ELMO1: variants seen among roughly 807,000 people sequenced by gnomAD.
The protein encoded by ELMO1 is engulfment and cell motility 1, also known as engulfment and cell motility protein 1.
In ELMO1, 26 loss-of-function variants were observed where a neutral mutation model predicts 98.9. The observed-to-expected ratio is 0.26, with a 90% CI of 0.19 to 0.36. The LOEUF is 0.36. ELMO1 is among the 10% of genes least tolerant of loss of function. ELMO1 has a pLI of 1.00. For synonymous variants in ELMO1, 346 were observed against 346.0 expected (o/e 1.00, Z 0.00); for missense variants, 627 against 935.2 (o/e 0.67, Z 4.30).
rs561118919 is a variant in ELMO1 at position 36,955,416 on chromosome 7, AC to A, written c.1437+57882del. ...AAGTAAAGGTATTTGGATAAACCAC[AC>A]ACTGAACAGGTGTAAAACCTTCCTT... On this transcript the variant is annotated intron_variant, in intron 16 of 21. Coordinates refer to ENST00000310758, the MANE Select transcript of ELMO1 (RefSeq NM_014800.11). Among the ~76,000 whole-genome samples the A allele has an allele frequency of 4.2e-3, 641 of 152,334 alleles. 11 individuals carry two copies. Among genetic ancestry groups the A allele is most frequent in the African/African-American group, 0.015 (611 of 41,574 alleles).
intron 19 of ELMO1, among the ~76,000 whole-genome samples, chr7:36,872,543 GA>G (rs1803614533): frequency 1.3e-5 from 2 of 152,174 alleles, no homozygotes; most frequent in South Asian, 4.1e-4. Context: ...CTCTTTGCCT[GA>G]CCCCCTTGGG....
At chr7:36,916,211 C>T (rs956633703) in intron 16 of ELMO1, among the ~76,000 whole-genome samples, 4 of 152,276 alleles carry the variant, frequency 2.6e-5, no homozygotes, top group Non-Finnish European at 4.4e-5. Flanking sequence ...TTAGGTAATT[C>T]TTTTGGTGTT....
chr7:37,137,251 C>T (rs1185278367), intron 13 of ELMO1, among the ~76,000 whole-genome samples: 1 of 152,186 alleles, frequency 6.6e-6, no homozygotes, highest in East Asian at 1.9e-4. Flanking sequence ...GCATCTAACA[C>T]TGGATCTCCC....
chr7:37,042,994 G>A (rs1175904007), intron 15 of ELMO1, among the ~76,000 whole-genome samples: 1 of 152,186 alleles, frequency 6.6e-6, no homozygotes, highest in Non-Finnish European at 1.5e-5. Flanking sequence ...CCCCATTTGA[G>A]CTGTATATGT....
In ELMO1 at chr7:37,057,614, C is replaced by T. The variant is rs183893795; in HGVS notation, c.1300+39005G>A. ...AGCTTTATCCACTTCAGTAACACCA[C>T]CTTAGCCCAGCAAATTCAGAGCATC... is the stretch of plus-strand genomic sequence containing the variant. On this transcript the variant is annotated intron_variant, in intron 15 of 21. Coordinates refer to ENST00000310758, the MANE Select transcript of ELMO1 (RefSeq NM_014800.11). 1.8e-3 allele frequency among the ~76,000 whole-genome samples: 272 copies of T among 152,330 alleles called. 1 individual carries two copies. Among genetic ancestry groups the T allele is most frequent in the African/African-American group, 5.0e-3 (206 of 41,578 alleles).
At chr7:36,866,003 T>A (rs1442261631) in intron 20 of ELMO1, among the ~76,000 whole-genome samples, 2 of 152,204 alleles carry the variant, frequency 1.3e-5, no homozygotes, top group Non-Finnish European at 2.9e-5. Flanking sequence ...AGCATCACAC[T>A]GGAAAAACAA....
intron 1 of ELMO1, among the ~76,000 whole-genome samples, chr7:37,383,791 T>C (rs1448576713): frequency 6.6e-6 from 1 of 152,052 alleles, no homozygotes; most frequent in South Asian, 2.1e-4. Context: ...TAGGTAAAGT[T>C]TGAAATATAC....
intron 16 of ELMO1, among the ~76,000 whole-genome samples, chr7:36,942,747 C>T (rs1413278337): frequency 2.0e-5 from 3 of 152,128 alleles, no homozygotes; most frequent in African/African-American, 2.4e-5. Flanking sequence ...GCTTTGCATG[C>T]TAATTAGATT....
At chr7:37,368,225 A>G (rs887397449) in intron 1 of ELMO1, among the ~76,000 whole-genome samples, 1 of 152,212 alleles carries the variant, frequency 6.6e-6, no homozygotes, top group African/African-American at 2.4e-5. Context: ...TTCAGATGAT[A>G]TTATTGTCTA....
At chr7:37,195,733 C>T (rs947807320) in intron 13 of ELMO1, among the ~76,000 whole-genome samples, 2 of 152,218 alleles carry the variant, frequency 1.3e-5, no homozygotes, top group East Asian at 1.9e-4. Context: ...CCAGTAGATG[C>T]CCCTGAACTT....
rs1362568980 is a variant in ELMO1, at chr7:36,898,472, C to T, written c.1438-3455G>A. Among the ~76,000 whole-genome samples the T allele has an allele frequency of 2.0e-5, 3 of 152,116 alleles. No individual in the cohort carries two copies. In the East Asian group the frequency reaches 5.8e-4, roughly 29 times the overall value. On this transcript the variant is annotated intron_variant, in intron 16 of 21. Coordinates refer to ENST00000310758, the MANE Select transcript of ELMO1 (RefSeq NM_014800.11). ...CCATATTTTCTGTAATAATGTTACA[C>T]ATTACAAAAAAAGTGAGAGTCCCAC...
intron 6 of ELMO1, among the ~76,000 whole-genome samples, chr7:37,248,021 G>C (rs1374310074): frequency 1.3e-5 from 2 of 151,450 alleles, no homozygotes; most frequent in African/African-American, 4.9e-5. Context: ...GCCTCCTCCA[G>C]CATCCCTGAC....
chr7:37,078,435 TC>T (rs1446979039), intron 15 of ELMO1, among the ~76,000 whole-genome samples: 1 of 152,202 alleles, frequency 6.6e-6, no homozygotes, highest in Non-Finnish European at 1.5e-5. Flanking sequence ...TAATGATCCA[TC>T]TATCTTAATA....
intron 13 of ELMO1, among the ~76,000 whole-genome samples, chr7:37,145,801 A>G (rs1232753764): frequency 1.3e-5 from 2 of 152,214 alleles, no homozygotes; most frequent in African/African-American, 4.8e-5. Flanking sequence ...AACCTTTAAA[A>G]CAAATCACAT....
rs540360557 is a variant in ELMO1, at chr7:37,102,783, A to G, written c.1192-6056T>C. On this transcript the variant is annotated intron_variant, in intron 14 of 21. Transcript: ENST00000310758. ...ACACAGCACAGAAATAAACAGACCC[A>G]GCATGGAAGCTTAGATGGCCTAACC... Among the ~76,000 whole-genome samples, 91 of 152,258 alleles carry G rather than the reference A, an allele frequency of 6.0e-4. 1 individual carries two copies. Among genetic ancestry groups the G allele is most frequent in the Admixed American group, 1.0e-3 (16 of 15,288 alleles).
intron 15 of ELMO1, among the ~76,000 whole-genome samples, chr7:37,070,968 C>T (rs1308152175): frequency 6.6e-6 from 1 of 152,108 alleles, no homozygotes; most frequent in Non-Finnish European, 1.5e-5. Context: ...CACCACATTC[C>T]CCCACCGATT....
intron 13 of ELMO1, among the ~76,000 whole-genome samples, chr7:37,206,050 T>C (rs531670948): frequency 3.9e-5 from 6 of 152,280 alleles, no homozygotes; most frequent in East Asian, 3.9e-4. Flanking sequence ...ATTTTCACAC[T>C]ACCCTCCTAG....
chr7:37,225,120 AT>A lies in ELMO1; in HGVS notation c.550-91del, dbSNP rs1584835014. 12 of 1,514,710 alleles carry A rather than the reference AT, an allele frequency of 7.9e-6. No homozygotes were observed. In the East Asian group the frequency reaches 2.8e-4, roughly 35 times the overall value. The allele number at this position is 1,514,710 out of a possible 1,614,324, so 93.8% of individuals were successfully genotyped here. ...AACAAATGAATCAAATCGGGAACTC[AT>A]TTAAGAAACACCAGGCACTGAGGAT... On this transcript the variant is annotated intron_variant, in intron 8 of 21. Coordinates refer to ENST00000310758, the MANE Select transcript of ELMO1 (RefSeq NM_014800.11).
chr7:37,235,743 G>A (rs143476316), intron 7 of ELMO1, among the ~76,000 whole-genome samples: 30 of 152,280 alleles, frequency 2.0e-4, no homozygotes, highest in African/African-American at 7.2e-4. Context: ...GAGCAGCCTG[G>A]CCAACGTGGT....
Sources: gnomAD v4.1 joint callset for allele counts (sites outside exome capture counted in the v4.1 genomes callset) on GRCh38, gnomAD v4.1.1 for gene constraint, MANE v1.5 for transcripts, NCBI Gene and HGNC (gene_info 2026-07-23, HGNC 2026-07-21) for gene names.